The following AP1AR variants were observed in gnomAD, a reference collection of about 807,000 sequenced individuals.
AP1AR encodes adaptor related protein complex 1 associated regulatory protein.
AP1AR carries 29 observed loss-of-function variants against 46.3 expected under a neutral mutation model. The ratio of observed to expected loss-of-function variants is 0.63; its 90% CI spans 0.47 to 0.85. The LOEUF is 0.85. AP1AR is among the 40% of genes least tolerant of loss of function. The pLI is 0.00. For missense variants in AP1AR, 357 were observed against 356.3 expected (o/e 1.00, Z -0.02); for synonymous variants, 122 against 122.9 (o/e 0.99, Z 0.05).
chr4:112,266,026 A>T (rs1726690254), intron 8 of AP1AR, among the ~76,000 whole-genome samples: 1 of 151,802 alleles, frequency 6.6e-6, no homozygotes, highest in Non-Finnish European at 1.5e-5. Context: ...AGATCCATAT[A>T]GGAAGTCAAG....
intron 1 of AP1AR, among the ~76,000 whole-genome samples, chr4:112,235,018 G>A (rs558398895): frequency 2.6e-5 from 4 of 152,204 alleles, no homozygotes; most frequent in South Asian, 4.2e-4. Flanking sequence ...TATATTCTAG[G>A]ATATCTGTTT....
At chr4:112,252,545 T>A (rs1726003604) in intron 1 of AP1AR, among the ~76,000 whole-genome samples, 1 of 152,202 alleles carries the variant, frequency 6.6e-6, no homozygotes, top group Admixed American at 6.5e-5. Flanking sequence ...TTGGAGGATA[T>A]AATAAAGAAG....
At chr4:112,265,384 A>G (rs140495117) in intron 7 of AP1AR, 200 of 352,032 alleles carry the variant, frequency 5.7e-4, no homozygotes, top group African/African-American at 3.7e-3. Flanking sequence ...TCTCTTTCTT[A>G]TAATAAAGTT....
chr4:112,252,826 G>A lies in AP1AR; in HGVS notation c.84-382G>A, dbSNP rs185914718. ...TGTTCTGTGTATTTTTAACAAAATTGAGAACATATTCTTTTTATATATTAT... is the reference window on the plus strand; with the variant it reads ...TGTTCTGTGTATTTTTAACAAAATTAAGAACATATTCTTTTTATATATTAT... On this transcript the variant is annotated intron_variant, in intron 1 of 9. Coordinates refer to ENST00000274000, the MANE Select transcript of AP1AR (RefSeq NM_018569.6). 1.4e-4 allele frequency among the ~76,000 whole-genome samples: 21 copies of A among 152,226 alleles called. No individual in the cohort carries two copies. The East Asian group carries it at 3.9e-3, about 28-fold the overall frequency.
intron 3 of AP1AR, among the ~76,000 whole-genome samples, chr4:112,256,781 C>A (rs1007321574): frequency 6.6e-6 from 1 of 152,120 alleles, no homozygotes; most frequent in Non-Finnish European, 1.5e-5. Context: ...AATTTCATAA[C>A]CTTGTGAAAG....
chr4:112,232,166 C>A lies in AP1AR; in HGVS notation c.75C>A (p.Gly25=). Residue 25 remains glycine, a synonymous_variant, in exon 1 of 10, where the codon GGC becomes GGA. Transcript: ENST00000274000. ...KEAGRLQRVG[G]GGGSKYFRTC... ...CGGGGCGGCTGCAGCGAGTAGGCGG[C>A]GGCGGAGGGTAAGCCCGCTGGGGGA... The A allele has an allele frequency of 7.8e-7, 1 of 1,282,982 alleles. No individual in the cohort carries two copies. Among genetic ancestry groups the A allele is most frequent in the Non-Finnish European group, 9.9e-7 (1 of 1,006,256 alleles). 79.5% of individuals were successfully genotyped at this position (1,282,982 alleles called of 1,614,324 possible). A position where few individuals can be genotyped will look rare whatever the true frequency, so the allele number is the denominator to read the frequency against.
Position 112,253,233 on chromosome 4 carries a change from A to G in AP1AR, c.109A>G (p.Arg37Gly), listed in dbSNP as rs763904786. ...GGSKYFRTCS[R>G]GEHLTIEFEN... Reference sequence around the variant, plus strand: ...ATCCAAGTATTTTAGAACATGCTCAAGAGGTGAGCACTTAACAATAGAGGT... The same window carrying G: ...ATCCAAGTATTTTAGAACATGCTCAGGAGGTGAGCACTTAACAATAGAGGT... Residue 37 changes from arginine to glycine, a missense_variant, in exon 2 of 10, where the codon AGA (arginine) becomes GGA (glycine). Arg to Gly is a moderately radical substitution (Grantham distance 125). Transcript: ENST00000274000. 1.9e-6 allele frequency: 3 copies of G among 1,610,982 alleles called. No individual in the cohort carries two copies. Among genetic ancestry groups the G allele is most frequent in the Admixed American group, 1.7e-5 (1 of 59,162 alleles).
chr4:112,232,204 C>CCGTGGCTCCT (rs1248155391), intron 1 of AP1AR, 30 bp downstream of exon 1: 1 of 1,262,826 alleles, frequency 7.9e-7, no homozygotes, highest in Non-Finnish European at 1.0e-6. Flanking sequence ...GGCCCGGCCC[C>CCGTGGCTCCT]CGTGGCTCCT....
intron 1 of AP1AR, among the ~76,000 whole-genome samples, chr4:112,244,094 C>T (rs756079202): frequency 6.6e-6 from 1 of 152,060 alleles, no homozygotes; most frequent in South Asian, 2.1e-4. Context: ...ATATAAGAGA[C>T]TAGTAATCAA....
At chr4:112,241,256 G>T (rs1335685087) in intron 1 of AP1AR, among the ~76,000 whole-genome samples, 1 of 152,046 alleles carries the variant, frequency 6.6e-6, no homozygotes, top group Non-Finnish European at 1.5e-5. Flanking sequence ...TATTAGTCAG[G>T]GTTCTCCAGA....
chr4:112,236,758 A>G (rs1725259439), intron 1 of AP1AR, among the ~76,000 whole-genome samples: 1 of 152,252 alleles, frequency 6.6e-6, no homozygotes, highest in East Asian at 1.9e-4. Context: ...ATGGCATTCA[A>G]ATGTATGGCA....
intron 1 of AP1AR, among the ~76,000 whole-genome samples, chr4:112,233,345 G>A (rs974396901): frequency 2.0e-5 from 3 of 152,242 alleles, no homozygotes; most frequent in Non-Finnish European, 4.4e-5. Context: ...AGGATTTGCA[G>A]TTTGTGCCTA....
rs375415302 is a variant in AP1AR at position 112,253,210 on chromosome 4, C to T, written c.86C>T (p.Ser29Phe). 39 of 1,608,234 alleles carry T rather than the reference C, an allele frequency of 2.4e-5. No individual in the cohort carries two copies. The East Asian group carries it at 2.7e-4, about 11-fold the overall frequency. Residue 29 changes from serine (S) to phenylalanine (F), a missense_variant and splice_region_variant, in exon 2 of 10, where the codon TCC (serine) becomes TTC (phenylalanine). Around this residue, in one of 2 missense-constraint regions of AP1AR, gnomAD observed 269 missense variants for 223.6 expected, o/e 1.20. Transcript: ENST00000274000. ...AGTTATTCTGTTTTCCTTCCCAGAT[C>T]CAAGTATTTTAGAACATGCTCAAGA... ...RLQRVGGGGG[S>F]KYFRTCSRGE... is the part of the protein sequence containing the mutation.
chr4:112,241,720 T>A (rs1470228786), intron 1 of AP1AR, among the ~76,000 whole-genome samples: 1 of 152,238 alleles, frequency 6.6e-6, no homozygotes. Context: ...AACCGTCACA[T>A]CACCTTATGT....
intron 1 of AP1AR, among the ~76,000 whole-genome samples, chr4:112,233,344 A>G (rs1725101541): frequency 6.6e-6 from 1 of 152,220 alleles, no homozygotes; most frequent in South Asian, 2.1e-4. Flanking sequence ...AAGGATTTGC[A>G]GTTTGTGCCT....
At chr4:112,243,280 G>A (rs1306072511) in intron 1 of AP1AR, among the ~76,000 whole-genome samples, 1 of 152,042 alleles carries the variant, frequency 6.6e-6, no homozygotes, top group African/African-American at 2.4e-5. Flanking sequence ...TGGATTTACC[G>A]CATTTATTTT....
Position 112,268,421 on chromosome 4 carries a change from GTGACCT to G in AP1AR, c.*15_*20del, listed in dbSNP as rs774845871. ...AACAGACTCGATAGGGTAAAATTGT[GTGACCT>G]TGTTTATCAGTTATGACCAAATGTT... On this transcript the variant is annotated 3_prime_UTR_variant, in exon 10 of 10. Transcript: ENST00000274000. 14 of 1,564,918 alleles carry G rather than the reference GTGACCT, an allele frequency of 8.9e-6. No homozygotes were observed. Among genetic ancestry groups the G allele is most frequent in the Non-Finnish European group, 1.2e-5 (14 of 1,155,084 alleles).
chr4:112,251,777 G>A (rs1157509027), intron 1 of AP1AR, among the ~76,000 whole-genome samples: 2 of 152,138 alleles, frequency 1.3e-5, no homozygotes, highest in African/African-American at 4.8e-5. Flanking sequence ...CATTTATGTT[G>A]GATATAGTCC....
rs1445853202 is a variant in AP1AR, at chr4:112,268,507, GTGTAAGAAACCA to G, written c.*102_*113del. On this transcript the variant is annotated 3_prime_UTR_variant, in exon 10 of 10. Coordinates refer to ENST00000274000, the MANE Select transcript of AP1AR (RefSeq NM_018569.6). ...TGCTTAGCCTTTTTGTAAGGGAGAT[GTGTAAGAAACCA>G]TGTTGTAAATGCTTATTTTATTACA... The G allele has an allele frequency of 4.0e-6, 5 of 1,237,144 alleles. No individual in the cohort carries two copies. Among genetic ancestry groups the G allele is most frequent in the African/African-American group, 1.5e-5 (1 of 65,408 alleles). The allele number at this position is 1,237,144 out of a possible 1,614,324, so 76.6% of individuals were successfully genotyped here.
Sources: allele counts gnomAD v4.1 joint callset (sites outside exome capture counted in the v4.1 genomes callset), GRCh38; gene constraint gnomAD v4.1.1; regional missense constraint gnomAD v4.1.1; transcripts MANE v1.5; gene names NCBI Gene and HGNC (gene_info 2026-07-23, HGNC 2026-07-21).